Variants in PDGFRA observed in about 807,000 individuals in gnomAD.
The protein encoded by PDGFRA is platelet derived growth factor receptor alpha.
Under a neutral mutation model 121.5 loss-of-function variants are expected in PDGFRA, and 25 were observed. That is an observed-to-expected ratio of 0.21 (90% CI 0.15 to 0.29). The LOEUF (loss-of-function observed/expected upper bound fraction) is 0.29. Among genes scored for constraint, PDGFRA ranks in the 10% least tolerant of loss-of-function variants. PDGFRA has a pLI of 1.00. For synonymous variants in PDGFRA, 463 were observed against 494.8 expected (o/e 0.94, Z 0.85); for missense variants, 1,008 against 1,345.1 (o/e 0.75, Z 3.92).
At chr4:54,278,584 C>A (rs2110317878) in intron 15 of PDGFRA, 69 bp downstream of exon 15, 5 of 1,463,092 alleles carry the variant, frequency 3.4e-6, no homozygotes, top group Non-Finnish European at 4.8e-6. Context: ...AGACCCATGT[C>A]CTGATAGATA....
At chr4:54,229,482 G>A (rs1375980695) in intron 1 of PDGFRA, 67 bp downstream of exon 1, 6 of 386,046 alleles carry the variant, frequency 1.6e-5, no homozygotes, top group Non-Finnish European at 2.7e-5. Context: ...TGGGACTGGA[G>A]AAAGCGAAGT....
At chr4:54,276,034 A>G (rs1351191854) in intron 12 of PDGFRA, among the ~76,000 whole-genome samples, 1 of 152,122 alleles carries the variant, frequency 6.6e-6, no homozygotes, top group African/African-American at 2.4e-5. Flanking sequence ...CTGTTGTAAA[A>G]CCTGAGGTCA....
At chr4:54,295,099 T>C in intron 22 of PDGFRA, 26 bp from the exon 23 acceptor site, 1 of 1,611,180 alleles carries the variant, frequency 6.2e-7, no homozygotes, top group East Asian at 2.2e-5. Flanking sequence ...GGAGTTGTAA[T>C]ATTTGCTCTT....
intron 1 of PDGFRA, among the ~76,000 whole-genome samples, chr4:54,233,399 G>C (rs548612991): frequency 6.6e-6 from 1 of 152,222 alleles, no homozygotes; most frequent in South Asian, 2.1e-4. Flanking sequence ...CTGCGCTGTC[G>C]GGGACCAGGA....
intron 1 of PDGFRA, among the ~76,000 whole-genome samples, chr4:54,254,983 G>A (rs959241387): frequency 1.3e-5 from 2 of 152,174 alleles, no homozygotes; most frequent in African/African-American, 4.8e-5. Context: ...CACTGGGCCG[G>A]GTGGGGGGCG....
intron 4 of PDGFRA, chr4:54,264,489 G>A (rs972161469): frequency 3.7e-6 from 1 of 272,334 alleles, no homozygotes; most frequent in Non-Finnish European, 7.0e-6. Flanking sequence ...TAGGTTCTGG[G>A]AAAGTACTGA....
chr4:54,248,631 A>G (rs1721842627), intron 1 of PDGFRA, among the ~76,000 whole-genome samples: 1 of 152,222 alleles, frequency 6.6e-6, no homozygotes, highest in South Asian at 2.1e-4. Flanking sequence ...AAACCTAGGC[A>G]TTACCATTCA....
chr4:54,280,433 G>C lies in PDGFRA; in HGVS notation c.2274G>C (p.Gln758His). 6.2e-7 allele frequency: 1 copy of C among 1,613,810 alleles called. No individual in the cohort carries two copies. The highest frequency in any genetic ancestry group is 8.5e-7 in the Non-Finnish European group (1 of 1,179,712). ...RKEVSKYSDI[Q>H]RSLYDRPASY... ...AGGTTTCTAAATATTCCGACATCCA[G>C]AGATCACTCTATGATCGTCCAGCCT... Residue 758 changes from glutamine to histidine, a missense_variant, in exon 16 of 23, where the codon CAG (glutamine) becomes CAC (histidine). Gln to His is a conservative substitution (Grantham distance 24). Around this residue, in one of 5 missense-constraint regions of PDGFRA, gnomAD observed 128 missense variants for 147.6 expected, o/e 0.87. Transcript: ENST00000257290.
At chr4:54,283,992 C>T (rs971307263) in intron 16 of PDGFRA, among the ~76,000 whole-genome samples, 3 of 152,184 alleles carry the variant, frequency 2.0e-5, no homozygotes, top group African/African-American at 4.8e-5. Flanking sequence ...CAGGCCATAT[C>T]GTGAACACTT....
intron 2 of PDGFRA, among the ~76,000 whole-genome samples, chr4:54,259,154 AG>A (rs33988725): frequency 0.017 from 2,627 of 152,248 alleles, 79 homozygotes; most frequent in African/African-American, 0.059. Flanking sequence ...AGATAAATTC[AG>A]GAATGGTCAG....
At chr4:54,231,525 C>T (rs537632835) in intron 1 of PDGFRA, among the ~76,000 whole-genome samples, 1 of 152,356 alleles carries the variant, frequency 6.6e-6, no homozygotes, top group East Asian at 1.9e-4. Context: ...GTCCCATCCC[C>T]GACCCCTAAT....
intron 15 of PDGFRA, chr4:54,278,946 A>G (rs76850938): frequency 0.014 from 5,947 of 438,942 alleles, 280 homozygotes; most frequent in Admixed American, 0.082. Context: ...GCAGAAATCT[A>G]CAAGTGGCTA....
chr4:54,244,053 A>C (rs988359347), intron 1 of PDGFRA, among the ~76,000 whole-genome samples: 1 of 152,210 alleles, frequency 6.6e-6, no homozygotes, highest in African/African-American at 2.4e-5. Flanking sequence ...AGGTAAACAA[A>C]GCGGCTGGGA....
At chr4:54,233,798 C>G (rs1475167313) in intron 1 of PDGFRA, among the ~76,000 whole-genome samples, 1 of 152,244 alleles carries the variant, frequency 6.6e-6, no homozygotes, top group South Asian at 2.1e-4. Context: ...CGTTCCAGCC[C>G]CTCGCCAGCT....
intron 1 of PDGFRA, among the ~76,000 whole-genome samples, chr4:54,250,367 T>G (rs982353568): frequency 7.2e-5 from 11 of 152,196 alleles, no homozygotes; most frequent in African/African-American, 2.7e-4. Flanking sequence ...GATTAGTCCT[T>G]CTAGATATTA....
Position 54,277,488 on chromosome 4 carries a change from A to G in PDGFRA, c.1887A>G (p.Leu629=), listed in dbSNP as rs1391798182. The change falls in exon 13 of 23, where the codon CTA becomes CTG. Residue 629 remains leucine, a synonymous_variant. Coordinates refer to ENST00000257290, the MANE Select transcript of PDGFRA (RefSeq NM_006206.6). ...TCATGAAAGTTGCAGTGAAGATGCT[A>G]AAACGTAAGTGCTCCTTCCTGGGGA... ...QPVMKVAVKM[L]KPTARSSEKQ... 6.2e-7 allele frequency: 1 copy of G among 1,603,898 alleles called. No homozygotes were observed. Among genetic ancestry groups the G allele is most frequent in the South Asian group, 1.1e-5 (1 of 90,864 alleles).
At chr4:54,264,178 C>A (rs1380643039) in intron 4 of PDGFRA, 2 of 554,040 alleles carry the variant, frequency 3.6e-6, no homozygotes, top group Admixed American at 6.6e-5. Flanking sequence ...GTAAGGAATT[C>A]TTTTCTTACA....
chr4:54,290,644 C>G, intron 22 of PDGFRA, 90 bp downstream of exon 22: 3 of 1,445,546 alleles, frequency 2.1e-6, no homozygotes, highest in Non-Finnish European at 2.9e-6. Context: ...ATGGTGCACT[C>G]CCGGTTGGTA....
chr4:54,239,949 C>T (rs1433911510), intron 1 of PDGFRA: 1 of 242,016 alleles, frequency 4.1e-6, no homozygotes, highest in Non-Finnish European at 9.1e-6. Context: ...CTCACTGGCT[C>T]AAGTGATCCT....
Sources: gnomAD v4.1 joint callset for allele counts (sites outside exome capture counted in the v4.1 genomes callset) on GRCh38, gnomAD v4.1.1 for gene constraint, gnomAD v4.1.1 regional missense constraint, MANE v1.5 for transcripts, NCBI Gene and HGNC (gene_info 2026-07-23, HGNC 2026-07-21) for gene names.